The following DYNLRB1 variants were observed in gnomAD, a reference collection of about 807,000 sequenced individuals.
DYNLRB1 encodes dynein light chain roadblock-type 1, also known as ROBL/LC7-like 1.
Under a neutral mutation model 13.5 loss-of-function variants are expected in DYNLRB1, and 6 were observed. The observed-to-expected ratio is 0.44, with a 90% CI of 0.24 to 0.88. The LOEUF (loss-of-function observed/expected upper bound fraction) is 0.88, where lower values mean the gene tolerates loss of function less well. Among genes scored for constraint, DYNLRB1 ranks in the 40% least tolerant of loss-of-function variants. The pLI is 0.21. For missense variants in DYNLRB1, 93 were observed against 127.2 expected (o/e 0.73, Z 1.29); for synonymous variants, 43 against 45.0 (o/e 0.96, Z 0.18).
chr20:34,517,753 C>G (rs1350523572), intron 1 of DYNLRB1, among the ~76,000 whole-genome samples: 1 of 151,826 alleles, frequency 6.6e-6, no homozygotes, highest in Non-Finnish European at 1.5e-5. Flanking sequence ...CTCAGCCTCC[C>G]GAGTAGCTGG....
intron 2 of DYNLRB1, among the ~76,000 whole-genome samples, chr20:34,534,411 G>A (rs1264099082): frequency 6.6e-6 from 1 of 152,184 alleles, no homozygotes; most frequent in African/African-American, 2.4e-5. Flanking sequence ...TTGCCTCATG[G>A]GCGAATGAGA....
intron 1 of DYNLRB1, among the ~76,000 whole-genome samples, chr20:34,523,429 T>G (rs527344131): frequency 1.3e-5 from 2 of 152,332 alleles, no homozygotes; most frequent in South Asian, 4.1e-4. Flanking sequence ...GTCTGTGGTC[T>G]GGTCCCGGAT....
At chr20:34,524,977 G>A (rs1025414280) in intron 1 of DYNLRB1, among the ~76,000 whole-genome samples, 3 of 152,088 alleles carry the variant, frequency 2.0e-5, no homozygotes, top group South Asian at 2.1e-4. Context: ...CGCCCATCTC[G>A]GCCTCCCAAA....
intron 2 of DYNLRB1, chr20:34,530,467 T>G: frequency 5.3e-6 from 1 of 187,808 alleles, no homozygotes; most frequent in Non-Finnish European, 9.9e-6. Context: ...GAAATGCCTA[T>G]GAATGTCTCA....
chr20:34,526,529 GCA>G, intron 2 of DYNLRB1, 186 bp downstream of exon 2: 1 of 561,426 alleles, frequency 1.8e-6, no homozygotes, highest in South Asian at 2.3e-5. Context: ...GTCAGGTGAA[GCA>G]GCGGGAGTGG....
At chr20:34,524,428 C>A in intron 1 of DYNLRB1, among the ~76,000 whole-genome samples, 1 of 152,236 alleles carries the variant, frequency 6.6e-6, no homozygotes, top group East Asian at 1.9e-4. Flanking sequence ...ATTTTTAGTT[C>A]TTTCTGCATT....
chr20:34,540,663 T>C lies in DYNLRB1; in HGVS notation c.*39T>C, dbSNP rs763555612. On this transcript the variant is annotated 3_prime_UTR_variant, in exon 4 of 4. Coordinates refer to ENST00000357156, the MANE Select transcript of DYNLRB1 (RefSeq NM_014183.4). ...CTCCCTGTGTCATTCCTTAATTTAATGCCCCCCAAGAATGTTAATGTCAAT... is the reference window on the plus strand; with the variant it reads ...CTCCCTGTGTCATTCCTTAATTTAACGCCCCCCAAGAATGTTAATGTCAAT... The C allele has an allele frequency of 1.2e-6, 2 of 1,601,358 alleles. No individual in the cohort carries two copies. The highest frequency in any genetic ancestry group is 8.5e-7 in the Non-Finnish European group (1 of 1,169,702).
chr20:34,519,042 G>T (rs750806127), intron 1 of DYNLRB1, among the ~76,000 whole-genome samples: 1 of 151,992 alleles, frequency 6.6e-6, no homozygotes, highest in Non-Finnish European at 1.5e-5. Flanking sequence ...GCAGGAGCAT[G>T]CCACCATGCC....
chr20:34,533,254 C>A (rs1980852288), intron 2 of DYNLRB1, among the ~76,000 whole-genome samples: 1 of 152,198 alleles, frequency 6.6e-6, no homozygotes, highest in Non-Finnish European at 1.5e-5. Flanking sequence ...ATACTGGTAA[C>A]AAACCCAGCC....
chr20:34,526,796 T>C (rs954814451), intron 2 of DYNLRB1, among the ~76,000 whole-genome samples: 1 of 152,266 alleles, frequency 6.6e-6, no homozygotes, highest in African/African-American at 2.4e-5. Flanking sequence ...CATAAACAAA[T>C]TAAGTGCCAC....
At chr20:34,526,645 C>T in intron 2 of DYNLRB1, 1 of 383,506 alleles carries the variant, frequency 2.6e-6, no homozygotes, top group Non-Finnish European at 4.8e-6. Context: ...CCGCTCAATC[C>T]CACCACCCTG....
At chr20:34,517,058 C>T (rs1979288502) in intron 1 of DYNLRB1, among the ~76,000 whole-genome samples, 1 of 151,994 alleles carries the variant, frequency 6.6e-6, no homozygotes, top group Non-Finnish European at 1.5e-5. Context: ...CAGGAACGGG[C>T]GGGGTCTGCT....
intron 2 of DYNLRB1, 72 bp downstream of exon 2, chr20:34,526,415 G>A: frequency 2.7e-6 from 4 of 1,475,992 alleles, no homozygotes; most frequent in Non-Finnish European, 3.8e-6. Flanking sequence ...CATAGCACTT[G>A]CTGTTCACTA....
chr20:34,526,351 C>G lies in DYNLRB1; in HGVS notation c.79+8C>G. ...TCGTCGTGAACACAGAAGGTACGCC[C>G]TCCCTCCCGCCATGACCCGCACCCA... On this transcript the variant is annotated splice_region_variant and intron_variant, in intron 2 of 3. Transcript: ENST00000357156. 6.2e-7 allele frequency: 1 copy of G among 1,613,260 alleles called. No individual in the cohort carries two copies. The highest frequency in any genetic ancestry group is 1.3e-5 in the African/African-American group (1 of 74,986).
At position 34,526,574 on chromosome 20, in the gene DYNLRB1, A is replaced by G. The variant is rs1241952891; in HGVS notation, c.79+231A>G. The G allele has an allele frequency of 9.8e-6, 5 of 512,222 alleles. No homozygotes were observed. The East Asian group carries it at 1.6e-4, about 17-fold the overall frequency. 31.7% of individuals were successfully genotyped at this position (512,222 alleles called of 1,614,324 possible). On this transcript the variant is annotated intron_variant, in intron 2 of 3. Transcript: ENST00000357156. ...ACAAAGAAATCGGTAACTGGTTGTG[A>G]GCAATTAGTTGTAAACTGCATTCAG...
Position 34,523,100 on chromosome 20 carries a change from C to T in DYNLRB1, c.4-3168C>T, listed in dbSNP as rs575920642. ...TCAGTGCTGCGAAGGCTGGGGGCCT[C>T]GGTGCCCAGTAGAGGGGCTGATGTC... On this transcript the variant is annotated intron_variant, in intron 1 of 3. Coordinates refer to ENST00000357156, the MANE Select transcript of DYNLRB1 (RefSeq NM_014183.4). 1.1e-3 allele frequency among the ~76,000 whole-genome samples: 162 copies of T among 152,194 alleles called. 1 individual carries two copies. Among genetic ancestry groups the T allele is most frequent in the Non-Finnish European group, 1.7e-3 (113 of 68,006 alleles).
rs1321448973 is a variant in DYNLRB1 at position 34,526,370 on chromosome 20, G to A, written c.79+27G>A. 5.6e-6 allele frequency: 9 copies of A among 1,611,328 alleles called. No homozygotes were observed. The Admixed American group carries it at 8.4e-5, about 15-fold the overall frequency. On this transcript the variant is annotated intron_variant, in intron 2 of 3. Coordinates refer to ENST00000357156, the MANE Select transcript of DYNLRB1 (RefSeq NM_014183.4). The stretch of plus-strand genomic sequence containing the variant: ...TACGCCCTCCCTCCCGCCATGACCC[G>A]CACCCAGGCAGGCCCAGAAGCAGCC...
At chr20:34,520,174 C>T (rs1047391301) in intron 1 of DYNLRB1, among the ~76,000 whole-genome samples, 3 of 152,154 alleles carry the variant, frequency 2.0e-5, no homozygotes, top group African/African-American at 4.8e-5. Context: ...TAATTCTCCT[C>T]GTCCAGTTTC....
At chr20:34,530,757 G>A (rs1980651635) in intron 2 of DYNLRB1, 1 of 152,156 alleles carries the variant, frequency 6.6e-6, no homozygotes, top group African/African-American at 2.4e-5. Context: ...GAGGATAATT[G>A]TATTGGGATG....
Sources: gnomAD v4.1 joint callset for allele counts (sites outside exome capture counted in the v4.1 genomes callset) on GRCh38, gnomAD v4.1.1 for gene constraint, MANE v1.5 for transcripts, NCBI Gene and HGNC (gene_info 2026-07-23, HGNC 2026-07-21) for gene names.